The following FAM135B variants were observed in gnomAD, a reference collection of about 807,000 sequenced individuals.
FAM135B encodes family with sequence similarity 135 member B.
A neutral mutation model predicts 127.7 loss-of-function variants in FAM135B; 43 were observed. That is an observed-to-expected ratio of 0.34 (90% CI 0.26 to 0.43). The LOEUF is 0.43. FAM135B is among the 20% of genes least tolerant of loss of function. The probability of loss-of-function intolerance (pLI) is 1.00; values close to 1 mark genes in which losing one functional copy is unlikely to be tolerated. For missense variants in FAM135B, 1,558 were observed against 1,725.6 expected (o/e 0.90, Z 1.72); for synonymous variants, 670 against 665.1 (o/e 1.01, Z -0.11).
chr8:138,254,700 G>A (rs1279003169), intron 5 of FAM135B, among the ~76,000 whole-genome samples: 1 of 152,184 alleles, frequency 6.6e-6, no homozygotes, highest in Non-Finnish European at 1.5e-5. Context: ...TAAGGAGAAA[G>A]CAGATGTAAT....
chr8:138,305,867 T>C (rs1305451298), intron 3 of FAM135B, among the ~76,000 whole-genome samples: 1 of 152,176 alleles, frequency 6.6e-6, no homozygotes, highest in Non-Finnish European at 1.5e-5. Context: ...TATTTATATG[T>C]ATAGACATTT....
intron 19 of FAM135B, among the ~76,000 whole-genome samples, chr8:138,135,784 G>A (rs1388623466): frequency 6.6e-6 from 1 of 152,126 alleles, no homozygotes; most frequent in Admixed American, 6.5e-5. Flanking sequence ...TCTATGTGCA[G>A]TAATTGAGAA....
At chr8:138,408,668 G>A (rs1589225) in intron 1 of FAM135B, among the ~76,000 whole-genome samples, 42,938 of 152,018 alleles carry the variant, frequency 0.28, 6,383 homozygotes, top group Non-Finnish European at 0.32. Context: ...GAAGGTGAAG[G>A]GGAAGCAAAG....
At chr8:138,329,165 G>A (rs1050677519) in intron 2 of FAM135B, among the ~76,000 whole-genome samples, 3 of 152,184 alleles carry the variant, frequency 2.0e-5, no homozygotes, top group African/African-American at 7.2e-5. Flanking sequence ...GTAAATAGGA[G>A]ATACAGATGG....
At chr8:138,372,929 C>G (rs1195447491) in intron 1 of FAM135B, among the ~76,000 whole-genome samples, 1 of 152,020 alleles carries the variant, frequency 6.6e-6, no homozygotes, top group Non-Finnish European at 1.5e-5. Flanking sequence ...AGTATGCAGA[C>G]AAAGGATGAG....
chr8:138,302,325 T>C (rs1325740032), intron 3 of FAM135B, among the ~76,000 whole-genome samples: 1 of 152,116 alleles, frequency 6.6e-6, no homozygotes, highest in East Asian at 1.9e-4. Flanking sequence ...CTCTGAAGCC[T>C]TGTGCTACAT....
chr8:138,458,779 A>C (rs1397252336), intron 1 of FAM135B, among the ~76,000 whole-genome samples: 1 of 152,184 alleles, frequency 6.6e-6, no homozygotes, highest in Non-Finnish European at 1.5e-5. Context: ...CCCTTTACAA[A>C]AAACGTACGC....
chr8:138,416,749 CAAG>C (rs1423532818), intron 1 of FAM135B, among the ~76,000 whole-genome samples: 1 of 151,962 alleles, frequency 6.6e-6, no homozygotes, highest in East Asian at 1.9e-4. Flanking sequence ...ACCAAATCAT[CAAG>C]AAGATTAGCA....
chr8:138,286,249 G>A (rs757373325), intron 3 of FAM135B, among the ~76,000 whole-genome samples: 2 of 152,238 alleles, frequency 1.3e-5, no homozygotes, highest in Non-Finnish European at 2.9e-5. Context: ...AAACCAATGT[G>A]AGGGAGCAGA....
chr8:138,461,452 G>A (rs568784793), intron 1 of FAM135B, among the ~76,000 whole-genome samples: 1 of 152,258 alleles, frequency 6.6e-6, no homozygotes, highest in African/African-American at 2.4e-5. Flanking sequence ...ACATGATGAA[G>A]GCAGAGTACA....
intron 1 of FAM135B, among the ~76,000 whole-genome samples, chr8:138,429,566 A>G (rs1477035279): frequency 6.6e-6 from 1 of 152,154 alleles, no homozygotes. Flanking sequence ...CTGAAATGCT[A>G]ATTTGTTTTC....
intron 1 of FAM135B, among the ~76,000 whole-genome samples, chr8:138,442,873 G>A (rs1202699405): frequency 6.6e-6 from 1 of 152,112 alleles, no homozygotes; most frequent in East Asian, 1.9e-4. Context: ...TTGGGAAATG[G>A]ATCAATTTTA....
chr8:138,261,893 T>C (rs754782720), intron 4 of FAM135B, among the ~76,000 whole-genome samples: 1 of 152,232 alleles, frequency 6.6e-6, no homozygotes, highest in Non-Finnish European at 1.5e-5. Context: ...GCCAACTGGC[T>C]ATCAGCAGTG....
rs998859047 is a variant in FAM135B at position 138,188,343 on chromosome 8, C to T, written c.873+6915G>A. Among the ~76,000 whole-genome samples, 12 of 152,294 alleles carry T rather than the reference C, an allele frequency of 7.9e-5. No homozygotes were observed. The East Asian group carries it at 2.3e-3, about 29-fold the overall frequency. On this transcript the variant is annotated intron_variant, in intron 9 of 19. Transcript: ENST00000395297. ...GGCCCAGGACTCACAACCTGCACCT[C>T]AAGTGAGGCCTGTCTTATGGGGCTG...
chr8:138,339,376 TATATATA>T (rs1389110042), intron 2 of FAM135B, among the ~76,000 whole-genome samples: 7 of 150,664 alleles, frequency 4.6e-5, no homozygotes, highest in Admixed American at 1.3e-4. Context: ...TATATATATA[TATATATA>T]TTTTAAAATC....
At chr8:138,481,503 G>A (rs1466538806) in intron 1 of FAM135B, among the ~76,000 whole-genome samples, 1 of 152,202 alleles carries the variant, frequency 6.6e-6, no homozygotes, top group East Asian at 1.9e-4. Context: ...TAACGCCAGT[G>A]GAGCAGGCTT....
intron 1 of FAM135B, among the ~76,000 whole-genome samples, chr8:138,394,171 A>G (rs1308891878): frequency 6.6e-6 from 1 of 152,194 alleles, no homozygotes; most frequent in African/African-American, 2.4e-5. Flanking sequence ...ACATACCCTC[A>G]TATCAATGTT....
At chr8:138,232,255 A>G (rs1819960552) in intron 7 of FAM135B, among the ~76,000 whole-genome samples, 2 of 146,878 alleles carry the variant, frequency 1.4e-5, no homozygotes, top group South Asian at 2.1e-4. Context: ...AGTGGGGGGG[A>G]GCCCTGGACT....
chr8:138,368,005 G>A lies in FAM135B; in HGVS notation c.-19-3C>T, dbSNP rs1830862996. On this transcript the variant is annotated splice_region_variant and splice_polypyrimidine_tract_variant and intron_variant, in intron 1 of 19. Coordinates refer to ENST00000395297, the MANE Select transcript of FAM135B (RefSeq NM_015912.4). Reference sequence around the variant, plus strand: ...ACATGATCTTTTTGGCTCATTACCTGAAAAACAAGAGAGAAATTAACAGTT... The same window carrying A: ...ACATGATCTTTTTGGCTCATTACCTAAAAAACAAGAGAGAAATTAACAGTT... 1 of 1,602,134 alleles carries A rather than the reference G, an allele frequency of 6.2e-7. No homozygotes were observed. The highest frequency in any genetic ancestry group is 1.7e-5 in the Admixed American group (1 of 59,852).
Sources: allele counts gnomAD v4.1 joint callset (sites outside exome capture counted in the v4.1 genomes callset), GRCh38; gene constraint gnomAD v4.1.1; transcripts MANE v1.5; gene names NCBI Gene and HGNC (gene_info 2026-07-23, HGNC 2026-07-21).